RGS8: variants seen among roughly 807,000 people sequenced by gnomAD.
RGS8 encodes regulator of G protein signaling 8.
Under a neutral mutation model 21.7 loss-of-function variants are expected in RGS8, and 8 were observed. The observed-to-expected ratio is 0.37, with a 90% CI of 0.22 to 0.66. The LOEUF is 0.66. RGS8 is among the 30% of genes least tolerant of loss of function. RGS8 has a pLI of 0.59. For missense variants in RGS8, 157 were observed against 217.9 expected (o/e 0.72, Z 1.76); for synonymous variants, 80 against 83.6 (o/e 0.96, Z 0.24).
the RGS8 span, among the ~76,000 whole-genome samples, chr1:182,749,095 A>C: frequency 1.3e-5 from 2 of 152,044 alleles, no homozygotes; most frequent in Non-Finnish European, 1.5e-5. Context: ...TTTTAGTTTG[A>C]TGTAATCCCA....
At chr1:182,682,881 T>C (rs577624271) in intron 1 of RGS8, among the ~76,000 whole-genome samples, 1 of 151,882 alleles carries the variant, frequency 6.6e-6, no homozygotes, top group East Asian at 2.0e-4. Context: ...CTTGCTATAG[T>C]GGCATGGCTG....
chr1:182,672,620 A>G (rs1475489029), upstream of RGS8, among the ~76,000 whole-genome samples: 1 of 151,802 alleles, frequency 6.6e-6, no homozygotes, highest in Non-Finnish European at 1.5e-5. Flanking sequence ...AAACATGCAT[A>G]TTTCCAACTC....
the RGS8 span, among the ~76,000 whole-genome samples, chr1:182,695,080 T>G: frequency 7.0e-5 from 1 of 14,274 alleles, no homozygotes; most frequent in Non-Finnish European, 1.2e-4. Context: ...TGATAGACTG[T>G]ATTTGGGAAT....
the RGS8 span, among the ~76,000 whole-genome samples, chr1:182,722,522 C>A: frequency 6.6e-6 from 1 of 152,140 alleles, no homozygotes; most frequent in African/African-American, 2.4e-5. Context: ...TTTCCCTGTG[C>A]CTGGTGGCTC....
the RGS8 span, among the ~76,000 whole-genome samples, chr1:182,742,618 A>G: frequency 1.3e-5 from 2 of 152,218 alleles, no homozygotes; most frequent in African/African-American, 2.4e-5. Flanking sequence ...GCGCGCCTGC[A>G]ATCGCAGGCA....
chr1:182,660,138 C>T (rs1410193497), intron 5 of RGS8, among the ~76,000 whole-genome samples: 1 of 152,110 alleles, frequency 6.6e-6, no homozygotes, highest in Non-Finnish European at 1.5e-5. Context: ...TTATTGAGTT[C>T]CTCTATGGAG....
At chr1:182,711,867 T>A in the RGS8 span, among the ~76,000 whole-genome samples, 1 of 152,188 alleles carries the variant, frequency 6.6e-6, no homozygotes, top group Non-Finnish European at 1.5e-5. Context: ...TCTGTTTTCC[T>A]CCTTTGCTTT....
At chr1:182,729,224 G>A in the RGS8 span, among the ~76,000 whole-genome samples, 1,183 of 152,332 alleles carry the variant, frequency 7.8e-3, 12 homozygotes, top group African/African-American at 0.025. Context: ...GCTGGCTTGT[G>A]AGTAACTTCA....
the RGS8 span, among the ~76,000 whole-genome samples, chr1:182,735,718 T>C: frequency 6.6e-6 from 1 of 152,242 alleles, no homozygotes; most frequent in South Asian, 2.1e-4. Flanking sequence ...CAGTTTGTGA[T>C]TATATTTTGC....
the RGS8 span, among the ~76,000 whole-genome samples, chr1:182,731,790 A>G: frequency 6.6e-6 from 1 of 152,264 alleles, no homozygotes; most frequent in Admixed American, 6.5e-5. Context: ...TACAGATCAC[A>G]GTTTGAAAAA....
the RGS8 span, among the ~76,000 whole-genome samples, chr1:182,705,765 T>C: frequency 6.6e-6 from 1 of 152,168 alleles, no homozygotes; most frequent in Admixed American, 6.5e-5. Flanking sequence ...CTTCCAATTC[T>C]TCTCATGGAT....
At position 182,659,528 on chromosome 1, in the gene RGS8, G is replaced by A. The variant is rs577133966; in HGVS notation, c.193+6441C>T. On this transcript the variant is annotated intron_variant, in intron 5 of 6. Coordinates refer to ENST00000483095, the Ensembl canonical transcript of RGS8. ...GGCCTGACCAACATGGTGAAACCTT[G>A]TCTCTACTAAAAATGCAAAAATTAG... is the stretch of plus-strand genomic sequence containing the variant. Among the ~76,000 whole-genome samples, 21 of 152,258 alleles carry A rather than the reference G, an allele frequency of 1.4e-4. No homozygotes were observed. In the South Asian group the frequency reaches 1.9e-3, roughly 14 times the overall value.
intron 1 of RGS8, among the ~76,000 whole-genome samples, chr1:182,678,522 C>T (rs558988966): frequency 6.6e-6 from 1 of 152,294 alleles, no homozygotes; most frequent in South Asian, 2.1e-4. Context: ...AGAAACTAAA[C>T]TTTGAAGACT....
the RGS8 span, among the ~76,000 whole-genome samples, chr1:182,722,382 A>C: frequency 2.0e-5 from 3 of 151,524 alleles, no homozygotes; most frequent in African/African-American, 7.3e-5. Context: ...AAAAAAAAAA[A>C]AAAAACTGGG....
At chr1:182,664,925 T>C (rs1663778776) in intron 5 of RGS8, among the ~76,000 whole-genome samples, 1 of 152,234 alleles carries the variant, frequency 6.6e-6, no homozygotes, top group South Asian at 2.1e-4. Flanking sequence ...CAAAATCACT[T>C]CTAAAGACAT....
chr1:182,750,414 C>A, the RGS8 span, among the ~76,000 whole-genome samples: 1 of 152,104 alleles, frequency 6.6e-6, no homozygotes, highest in South Asian at 2.1e-4. Flanking sequence ...GATGATTTTT[C>A]TTTCTTTATA....
the RGS8 span, chr1:182,734,922 GAGAC>G: frequency 6.6e-6 from 1 of 152,196 alleles, no homozygotes; most frequent in Non-Finnish European, 1.5e-5. Context: ...CAGGTAAAAA[GAGAC>G]AGGTGAAATT....
the RGS8 span, among the ~76,000 whole-genome samples, chr1:182,728,966 C>T: frequency 1.3e-5 from 2 of 152,126 alleles, no homozygotes; most frequent in African/African-American, 4.8e-5. Flanking sequence ...CACAAACCTG[C>T]ACATCCTGTA....
chr1:182,737,464 A>G, the RGS8 span, among the ~76,000 whole-genome samples: 9 of 152,070 alleles, frequency 5.9e-5, no homozygotes, highest in Non-Finnish European at 1.0e-4. Flanking sequence ...TAGTTGAATC[A>G]TGGGGGCAGG....
Sources: gnomAD v4.1 joint callset for allele counts (sites outside exome capture counted in the v4.1 genomes callset) on GRCh38, gnomAD v4.1.1 for gene constraint, MANE v1.5 for transcripts, NCBI Gene and HGNC (gene_info 2026-07-23, HGNC 2026-07-21) for gene names.